The following PKNOX2 variants were observed in gnomAD, a reference collection of about 807,000 sequenced individuals.
PKNOX2 encodes the protein PBX/knotted 1 homeobox 2, also known as homeobox protein PKNOX2.
Under a neutral mutation model 53.1 loss-of-function variants are expected in PKNOX2, and 14 were observed. That is an observed-to-expected ratio of 0.26 (90% CI 0.17 to 0.41). The LOEUF (loss-of-function observed/expected upper bound fraction) is 0.41. Among genes scored for constraint, PKNOX2 ranks in the 10% least tolerant of loss-of-function variants. The probability of loss-of-function intolerance (pLI) is 1.00; values close to 1 mark genes in which losing one functional copy is unlikely to be tolerated. For synonymous variants in PKNOX2, 257 were observed against 242.8 expected, an observed-to-expected ratio of 1.06 and a Z score of -0.54; for missense variants, 496 against 602.8, an observed-to-expected ratio of 0.82 and a Z score of 1.85.
intron 10 of PKNOX2, among the ~76,000 whole-genome samples, chr11:125,425,250 G>C (rs898906249): frequency 1.3e-5 from 2 of 152,220 alleles, no homozygotes; most frequent in Non-Finnish European, 2.9e-5. Context: ...GTCACACAAT[G>C]TTAAGGGGTG....
chr11:125,245,071 G>T (rs748439644), intron 2 of PKNOX2, among the ~76,000 whole-genome samples: 1 of 152,156 alleles, frequency 6.6e-6, no homozygotes, highest in Non-Finnish European at 1.5e-5. Flanking sequence ...TTAAAAAAGT[G>T]TATCAAGTGA....
At chr11:125,425,597 C>T (rs963373013) in intron 10 of PKNOX2, among the ~76,000 whole-genome samples, 19 of 126,540 alleles carry the variant, frequency 1.5e-4, no homozygotes, top group African/African-American at 4.9e-4. Flanking sequence ...GATGGTTTGC[C>T]GTGATCCAAT....
At chr11:125,366,160 G>A (rs1017935840) in intron 4 of PKNOX2, among the ~76,000 whole-genome samples, 1 of 152,144 alleles carries the variant, frequency 6.6e-6, no homozygotes, top group African/African-American at 2.4e-5. Flanking sequence ...TTACTGATGA[G>A]AAAATAGGAG....
chr11:125,408,293 C>T (rs573643255), intron 7 of PKNOX2, among the ~76,000 whole-genome samples: 2 of 152,326 alleles, frequency 1.3e-5, no homozygotes, highest in East Asian at 3.9e-4. Context: ...TAGACTGCGA[C>T]TGCAGGAACA....
At chr11:125,353,617 G>A (rs576996245) in intron 4 of PKNOX2, among the ~76,000 whole-genome samples, 78 of 152,294 alleles carry the variant, frequency 5.1e-4, no homozygotes, top group African/African-American at 1.7e-3. Flanking sequence ...GGCACTGCCC[G>A]AAGGCTCTCC....
Position 125,431,731 on chromosome 11 carries a change from T to G in PKNOX2, c.*339T>G. ...GCCCCCACCCACGGAAGGACTTGAG[T>G]TGTTTACAAGCCCTGCACTGAGGCA... On this transcript the variant is annotated 3_prime_UTR_variant, in exon 13 of 13. Transcript: ENST00000298282. 5 of 323,788 alleles carry G rather than the reference T, an allele frequency of 1.5e-5. No homozygotes were observed. The highest frequency in any genetic ancestry group is 2.3e-5 in the Non-Finnish European group (4 of 171,614). 20.1% of individuals were successfully genotyped at this position (323,788 alleles called of 1,614,324 possible). A position where few individuals can be genotyped will look rare whatever the true frequency, so the allele number is the denominator to read the frequency against.
At chr11:125,346,014 T>C (rs1329935672) in intron 3 of PKNOX2, among the ~76,000 whole-genome samples, 1 of 152,108 alleles carries the variant, frequency 6.6e-6, no homozygotes, top group African/African-American at 2.4e-5. Flanking sequence ...AAGAGACGGA[T>C]TGCGCCAGGG....
chr11:125,365,444 C>T (rs1024738792), intron 4 of PKNOX2, among the ~76,000 whole-genome samples: 23 of 152,136 alleles, frequency 1.5e-4, no homozygotes, highest in Non-Finnish European at 3.1e-4. Flanking sequence ...TCTCTCCTTC[C>T]CTGCACTTCA....
At chr11:125,374,453 G>A (rs189978671) in intron 5 of PKNOX2, among the ~76,000 whole-genome samples, 2 of 152,298 alleles carry the variant, frequency 1.3e-5, no homozygotes, top group African/African-American at 2.4e-5. Context: ...TAGTCAGGGG[G>A]GTGATCCTGC....
chr11:125,408,179 G>C (rs948823959), intron 7 of PKNOX2, among the ~76,000 whole-genome samples: 1 of 152,206 alleles, frequency 6.6e-6, no homozygotes, highest in Non-Finnish European at 1.5e-5. Context: ...GGAAGTCCCA[G>C]GCATCTCTAA....
chr11:125,294,329 AAAGGC>A (rs1350276320), intron 2 of PKNOX2, among the ~76,000 whole-genome samples: 4 of 152,222 alleles, frequency 2.6e-5, no homozygotes, highest in African/African-American at 9.6e-5. Context: ...AGCTTGGCGA[AAAGGC>A]ACGAACCAGA....
intron 2 of PKNOX2, among the ~76,000 whole-genome samples, chr11:125,254,001 G>T (rs1354578166): frequency 1.3e-5 from 2 of 152,108 alleles, no homozygotes; most frequent in African/African-American, 4.8e-5. Context: ...CGTCTGGCTG[G>T]ATGTTTATCC....
intron 5 of PKNOX2, among the ~76,000 whole-genome samples, chr11:125,373,658 A>C (rs1314807091): frequency 6.6e-6 from 1 of 152,234 alleles, no homozygotes; most frequent in Non-Finnish European, 1.5e-5. Flanking sequence ...AGCAAGAGGC[A>C]GGGCTGCCAA....
At chr11:125,317,448 T>G (rs758964006) in intron 2 of PKNOX2, among the ~76,000 whole-genome samples, 1 of 152,224 alleles carries the variant, frequency 6.6e-6, no homozygotes, top group Non-Finnish European at 1.5e-5. Context: ...TCTTAAATAA[T>G]AAGACATGAA....
chr11:125,264,672 C>A (rs984966292), intron 2 of PKNOX2, among the ~76,000 whole-genome samples: 4 of 151,514 alleles, frequency 2.6e-5, no homozygotes, highest in African/African-American at 9.7e-5. Context: ...CTTCCCCACC[C>A]CCCATTCCTT....
chr11:125,391,820 A>G (rs1954066937), intron 6 of PKNOX2, among the ~76,000 whole-genome samples: 1 of 152,224 alleles, frequency 6.6e-6, no homozygotes, highest in Admixed American at 6.5e-5. Context: ...AAGATGGAGC[A>G]ACACCTGGGG....
At chr11:125,168,822 T>C (rs1473665682) in intron 1 of PKNOX2, among the ~76,000 whole-genome samples, 1 of 152,240 alleles carries the variant, frequency 6.6e-6, no homozygotes, top group Non-Finnish European at 1.5e-5. Context: ...TTAATAATAC[T>C]GCGTTGTTAG....
intron 1 of PKNOX2, among the ~76,000 whole-genome samples, chr11:125,177,445 G>T (rs532126160): frequency 6.6e-4 from 101 of 152,310 alleles, no homozygotes; most frequent in African/African-American, 2.4e-3. Flanking sequence ...ACCTGCTTTG[G>T]GGTCAGGCAG....
At chr11:125,296,051 G>A (rs1324805602) in intron 2 of PKNOX2, among the ~76,000 whole-genome samples, 3 of 151,978 alleles carry the variant, frequency 2.0e-5, no homozygotes, top group South Asian at 4.2e-4. Context: ...TCCACCCCTG[G>A]TGTCTTCAGA....
Sources: gnomAD v4.1 joint callset for allele counts (sites outside exome capture counted in the v4.1 genomes callset) on GRCh38, gnomAD v4.1.1 for gene constraint, MANE v1.5 for transcripts, NCBI Gene and HGNC (gene_info 2026-07-23, HGNC 2026-07-21) for gene names.